Variants in CFAP57 observed in about 807,000 individuals in gnomAD.
The protein encoded by CFAP57 is cilia- and flagella-associated protein 57.
CFAP57 carries 116 observed loss-of-function variants against 146.8 expected under a neutral mutation model. The ratio of observed to expected loss-of-function variants is 0.79; its 90% CI spans 0.68 to 0.92. The LOEUF is 0.92. Among genes scored for constraint, CFAP57 ranks in the 40% least tolerant of loss-of-function variants. CFAP57 has a pLI of 0.00. For synonymous variants in CFAP57, 518 were observed against 552.8 expected (o/e 0.94, Z 0.88); for missense variants, 1,377 against 1,527.2 (o/e 0.90, Z 1.64).
Position 43,197,685 on chromosome 1 carries a change from G to A in CFAP57, c.1255G>A (p.Glu419Lys). The change falls in exon 7 of 23, where the codon GAA (glutamate) becomes AAA (lysine). Residue 419 changes from glutamate (E) to lysine (K), a missense_variant. Transcript: ENST00000372492. The part of the protein sequence containing the change: ...LDRSIRLWNY[E>K]TNTLELFKEY... The stretch of plus-strand genomic sequence containing the variant: ...TCGATCCATCCGCCTTTGGAATTAT[G>A]AAACAAAGTAAGGAATGAAAGGCTT... The A allele has an allele frequency of 6.2e-7, 1 of 1,614,118 alleles. No individual in the cohort carries two copies. The highest frequency in any genetic ancestry group is 1.1e-5 in the South Asian group (1 of 91,076).
chr1:43,221,223 G>T, intron 13 of CFAP57, 149 bp from the exon 14 acceptor site: 2 of 484,976 alleles, frequency 4.1e-6, no homozygotes, highest in Non-Finnish European at 7.5e-6. Context: ...TGACAATGTG[G>T]TTGCTGCTTC....
chr1:43,185,137 T>C lies in CFAP57; in HGVS notation c.762-12T>C. ...TCTCTATAAATTATGTATGCTGTTT[T>C]TTTGTTTCCAGCCTGATTGAATTTC... On this transcript the variant is annotated splice_polypyrimidine_tract_variant and intron_variant, in intron 4 of 22. Transcript: ENST00000372492. 1.2e-6 allele frequency: 2 copies of C among 1,613,964 alleles called. No individual in the cohort carries two copies. The highest frequency in any genetic ancestry group is 1.7e-6 in the Non-Finnish European group (2 of 1,179,902).
rs1557758379 is a variant in CFAP57 at position 43,198,486 on chromosome 1, T to G, written c.1268T>G (p.Leu423Arg). 6.2e-7 allele frequency: 1 copy of G among 1,613,998 alleles called. No homozygotes were observed. The highest frequency in any genetic ancestry group is 8.5e-7 in the Non-Finnish European group (1 of 1,180,018). ...IRLWNYETNT[L>R]ELFKEYQEEA... is the part of the protein sequence containing the mutation. Reference sequence around the variant, plus strand: ...GTAATTGATCTTTTTCACAGCACCCTGGAACTATTTAAGGAATACCAAGAA... The same window carrying G: ...GTAATTGATCTTTTTCACAGCACCCGGGAACTATTTAAGGAATACCAAGAA... Residue 423 changes from leucine (L) to arginine (R), a missense_variant, in exon 8 of 23, where the codon CTG (leucine) becomes CGG (arginine). Coordinates refer to ENST00000372492, the MANE Select transcript of CFAP57 (RefSeq NM_001378189.1).
At chr1:43,243,870 A>G (rs1188003102) in intron 22 of CFAP57, among the ~76,000 whole-genome samples, 1 of 152,252 alleles carries the variant, frequency 6.6e-6, no homozygotes, top group East Asian at 1.9e-4. Flanking sequence ...TTACATAAAT[A>G]TTAAATGAGT....
chr1:43,209,829 G>C lies in CFAP57; in HGVS notation c.1842G>C (p.Ser614=). Reference sequence around the variant, plus strand: ...GACGCATGATGTTTGTGGGCACCTCGGTGGGAACCATTCGTGCCATGAAGT... The same window carrying C: ...GACGCATGATGTTTGTGGGCACCTCCGTGGGAACCATTCGTGCCATGAAGT... ...HSGRMMFVGT[S]VGTIRAMKYP... Residue 614 remains serine, a synonymous_variant, in exon 11 of 23, where the codon TCG becomes TCC. Transcript: ENST00000372492. 1.2e-6 allele frequency: 2 copies of C among 1,614,180 alleles called. No homozygotes were observed. The highest frequency in any genetic ancestry group is 8.5e-7 in the Non-Finnish European group (1 of 1,180,046).
At chr1:43,176,104 C>A (rs1316617177) in intron 2 of CFAP57, among the ~76,000 whole-genome samples, 2 of 152,074 alleles carry the variant, frequency 1.3e-5, no homozygotes, top group Non-Finnish European at 2.9e-5. Flanking sequence ...TCAAATTCTA[C>A]CCATATATTC....
Position 43,192,934 on chromosome 1 carries a change from A to T in CFAP57, c.1123-4619A>T, listed in dbSNP as rs12145303. On this transcript the variant is annotated intron_variant, in intron 6 of 22. Coordinates refer to ENST00000372492, the MANE Select transcript of CFAP57 (RefSeq NM_001378189.1). ...AAGAGTGAAAACTCCATCTCAAAAA[A>T]AAAAATAAAAAGAAAGAAAGTGGTA... 9.9e-5 allele frequency among the ~76,000 whole-genome samples: 15 copies of T among 152,114 alleles called. No individual in the cohort carries two copies. In the East Asian group the frequency reaches 2.1e-3, roughly 22 times the overall value.
intron 1 of CFAP57, 106 bp from the exon 2 acceptor site, chr1:43,172,629 G>C (rs368812744): frequency 7.5e-5 from 67 of 895,748 alleles, no homozygotes; most frequent in East Asian, 5.1e-4. Context: ...AGAAAGGGGA[G>C]AGACAAGGGG....
At position 43,221,390 on chromosome 1, in the gene CFAP57, G is replaced by C; in HGVS notation, c.2266G>C (p.Glu756Gln). 1 of 1,542,556 alleles carries C rather than the reference G, an allele frequency of 6.5e-7. No individual in the cohort carries two copies. Among genetic ancestry groups the C allele is most frequent in the Non-Finnish European group, 8.8e-7 (1 of 1,142,564 alleles). Residue 756 changes from glutamate to glutamine, a missense_variant, in exon 14 of 23, where the codon GAG becomes CAG. Transcript: ENST00000372492. ...TKNQVLRTEK[E>Q]KQDVYHHEHI... Reference sequence around the variant, plus strand: ...GTTTTAGGTCTTAAGAACAGAAAAAGAGAAGCAGGATGTTTATCACCATGA... The same window carrying C: ...GTTTTAGGTCTTAAGAACAGAAAAACAGAAGCAGGATGTTTATCACCATGA...
intron 2 of CFAP57, among the ~76,000 whole-genome samples, chr1:43,173,605 A>T (rs757398197): frequency 1.4e-4 from 21 of 152,158 alleles, no homozygotes; most frequent in African/African-American, 4.6e-4. Context: ...GTTCAATGTC[A>T]TGCTTTTGAG....
intron 18 of CFAP57, among the ~76,000 whole-genome samples, chr1:43,229,836 C>T (rs1279322284): frequency 6.6e-6 from 1 of 151,820 alleles, no homozygotes; most frequent in African/African-American, 2.4e-5. Context: ...CCCAAAAACA[C>T]CCCCTATCCA....
chr1:43,195,470 G>A (rs563297330), intron 6 of CFAP57, among the ~76,000 whole-genome samples: 16 of 151,548 alleles, frequency 1.1e-4, no homozygotes, highest in Admixed American at 1.3e-4. Context: ...GCAGTGAGCC[G>A]AGATCACGCC....
chr1:43,186,062 G>A (rs1182199177), intron 5 of CFAP57, among the ~76,000 whole-genome samples: 2 of 150,420 alleles, frequency 1.3e-5, no homozygotes, highest in African/African-American at 4.9e-5. Context: ...CTGGGTGACA[G>A]AGCAAGACTC....
At position 43,181,654 on chromosome 1, in the gene CFAP57, C is replaced by T; in HGVS notation, c.278C>T (p.Pro93Leu). Reference protein sequence around the residue: ...AITIYELSSIPCRKRKVLNNF... With the variant: ...AITIYELSSILCRKRKVLNNF... Reference sequence around the variant, plus strand: ...ACCATTTATGAATTGTCATCCATCCCTTGCCGGAAGCGCAAAGTTCTTAAT... The same window carrying T: ...ACCATTTATGAATTGTCATCCATCCTTTGCCGGAAGCGCAAAGTTCTTAAT... Residue 93 changes from proline to leucine, a missense_variant, in exon 3 of 23, where the codon CCT becomes CTT. By Grantham distance (98) the Pro-to-Leu change is moderately conservative (BLOSUM62 -3). Transcript: ENST00000372492. 6.2e-7 allele frequency: 1 copy of T among 1,614,234 alleles called. No homozygotes were observed. Among genetic ancestry groups the T allele is most frequent in the Non-Finnish European group, 8.5e-7 (1 of 1,180,042 alleles).
At chr1:43,223,087 G>A (rs1276244656) in intron 16 of CFAP57, 90 bp downstream of exon 16, 10 of 1,395,518 alleles carry the variant, frequency 7.2e-6, no homozygotes, top group Non-Finnish European at 9.6e-6. Context: ...GGGGGTGCTG[G>A]CCAGGGTCCT....
At chr1:43,253,945 C>G in intron 22 of CFAP57, 32 bp from the exon 23 acceptor site, 1 of 1,541,720 alleles carries the variant, frequency 6.5e-7, no homozygotes, top group Non-Finnish European at 8.8e-7. Context: ...GTGCAATGGA[C>G]AGGCCCACAT....
At chr1:43,204,275 G>A (rs1644257888) in intron 9 of CFAP57, among the ~76,000 whole-genome samples, 2 of 151,970 alleles carry the variant, frequency 1.3e-5, no homozygotes, top group African/African-American at 4.8e-5. Context: ...TTAGTTAATT[G>A]AACTTATTTG....
At chr1:43,239,512 A>T (rs1002190794) in intron 21 of CFAP57, among the ~76,000 whole-genome samples, 1 of 152,210 alleles carries the variant, frequency 6.6e-6, no homozygotes, top group East Asian at 1.9e-4. Context: ...TTACAGCAGA[A>T]CAAGGGAGAA....
At position 43,234,323 on chromosome 1, in the gene CFAP57, C is replaced by G. The variant is rs1645598255; in HGVS notation, c.3171C>G (p.Leu1057=). 1 of 1,550,024 alleles carries G rather than the reference C, an allele frequency of 6.5e-7. No individual in the cohort carries two copies. The highest frequency in any genetic ancestry group is 1.4e-5 in the African/African-American group (1 of 72,954). The change falls in exon 20 of 23, where the codon CTC becomes CTG. Residue 1057 remains leucine, a synonymous_variant. Coordinates refer to ENST00000372492, the MANE Select transcript of CFAP57 (RefSeq NM_001378189.1). Reference sequence around the variant, plus strand: ...TGGTCAAAAGGTTTAAAACAGACCTCCACAACTGCGTAGCCTATATTCAGG... The same window carrying G: ...TGGTCAAAAGGTTTAAAACAGACCTGCACAACTGCGTAGCCTATATTCAGG... ...EALVKRFKTD[L]HNCVAYIQEP...
Sources: gnomAD v4.1 joint callset for allele counts (sites outside exome capture counted in the v4.1 genomes callset) on GRCh38, gnomAD v4.1.1 for gene constraint, MANE v1.5 for transcripts, NCBI Gene and HGNC (gene_info 2026-07-23, HGNC 2026-07-21) for gene names.